SEC24B: variants seen among roughly 807,000 people sequenced by gnomAD.
SEC24B encodes protein transport protein Sec24B.
Under a neutral mutation model 142.8 loss-of-function variants are expected in SEC24B, and 45 were observed. The observed-to-expected ratio is 0.32, with a 90% CI of 0.25 to 0.40. The LOEUF is 0.40. Among genes scored for constraint, SEC24B ranks in the 10% least tolerant of loss-of-function variants. The probability of loss-of-function intolerance (pLI) is 1.00; values close to 1 mark genes in which losing one functional copy is unlikely to be tolerated. For missense variants in SEC24B, 1,409 were observed against 1,526.8 expected (o/e 0.92, Z 1.29); for synonymous variants, 574 against 568.2 (o/e 1.01, Z -0.15).
At chr4:109,507,636 CT>C (rs1394379053) in intron 7 of SEC24B, among the ~76,000 whole-genome samples, 5 of 151,882 alleles carry the variant, frequency 3.3e-5, no homozygotes, top group African/African-American at 9.7e-5. Context: ...TTTCCTCTTT[CT>C]TTTTTTCTTT....
intron 2 of SEC24B, among the ~76,000 whole-genome samples, chr4:109,471,812 AGCTGCAGTGTCCCTC>A (rs1279106087): frequency 2.6e-5 from 4 of 152,122 alleles, no homozygotes; most frequent in Admixed American, 2.6e-4. Flanking sequence ...GAAAGGTGTA[AGCTGCAGTGTCCCTC>A]GAGACTTGAG....
chr4:109,444,757 C>T (rs1025858045), intron 1 of SEC24B, among the ~76,000 whole-genome samples: 11 of 151,776 alleles, frequency 7.2e-5, no homozygotes, highest in Non-Finnish European at 1.3e-4. Flanking sequence ...CTGAGCAGCT[C>T]CATTGAAAAT....
chr4:109,511,564 C>T (rs960486938), intron 8 of SEC24B, among the ~76,000 whole-genome samples: 3 of 152,136 alleles, frequency 2.0e-5, no homozygotes, highest in African/African-American at 4.8e-5. Context: ...CTTCTGGCCT[C>T]AGCTCCTGTC....
At chr4:109,439,516 TTTTGA>T in intron 1 of SEC24B, among the ~76,000 whole-genome samples, 1 of 102,704 alleles carries the variant, frequency 9.7e-6, no homozygotes, top group South Asian at 3.6e-4. Context: ...TTTTTTTTTT[TTTTGA>T]GACTGAGTTT....
At chr4:109,446,069 G>A (rs900081726) in intron 1 of SEC24B, among the ~76,000 whole-genome samples, 6 of 150,768 alleles carry the variant, frequency 4.0e-5, no homozygotes, top group Non-Finnish European at 8.8e-5. Flanking sequence ...TCATAATATA[G>A]TTGTGTGAGA....
chr4:109,487,664 G>T (rs1247716155), intron 4 of SEC24B, among the ~76,000 whole-genome samples: 1 of 152,154 alleles, frequency 6.6e-6, no homozygotes, highest in Non-Finnish European at 1.5e-5. Flanking sequence ...TGATTAATGC[G>T]TTACTTAGAA....
Position 109,520,501 on chromosome 4 carries a change from A to G in SEC24B, c.2245+17A>G, listed in dbSNP as rs1246217688. On this transcript the variant is annotated intron_variant, in intron 12 of 23. Transcript: ENST00000265175. ...ATATAGATGGTAAGCAGTCAGTAAA[A>G]TAAAAGCCTTTCTAACTACGGACTT... 3 of 1,465,734 alleles carry G rather than the reference A, an allele frequency of 2.0e-6. No individual in the cohort carries two copies. Among genetic ancestry groups the G allele is most frequent in the Non-Finnish European group, 1.9e-6 (2 of 1,049,408 alleles). 90.8% of individuals were successfully genotyped at this position (1,465,734 alleles called of 1,614,324 possible).
Position 109,525,405 on chromosome 4 carries a change from C to A in SEC24B, c.2692C>A (p.His898Asn). 6.2e-7 allele frequency: 1 copy of A among 1,611,828 alleles called. No homozygotes were observed. Among genetic ancestry groups the A allele is most frequent in the Non-Finnish European group, 8.5e-7 (1 of 1,178,718 alleles). ...TTATTATCCATCATTCCACTATACT[C>A]ACAATCCTTCACAAGCAGAAAAGTT... ...IYYYPSFHYT[H>N]NPSQAEKLQK... The change falls in exon 16 of 24, where the codon CAC becomes AAC. Residue 898 changes from histidine to asparagine, a missense_variant. By Grantham distance (68) the His-to-Asn change is moderately conservative. Transcript: ENST00000265175.
intron 5 of SEC24B, among the ~76,000 whole-genome samples, chr4:109,492,837 C>T (rs1463067889): frequency 6.6e-6 from 1 of 151,800 alleles, no homozygotes; most frequent in Non-Finnish European, 1.5e-5. Context: ...TTTTCAGCCT[C>T]CCAAGTAGCT....
At chr4:109,498,353 T>A (rs1735740711) in intron 6 of SEC24B, among the ~76,000 whole-genome samples, 2 of 152,212 alleles carry the variant, frequency 1.3e-5, no homozygotes, top group African/African-American at 2.4e-5. Context: ...CAAACTTTTT[T>A]AAAAGAAGCC....
chr4:109,438,148 G>A (rs1728587181), intron 1 of SEC24B, among the ~76,000 whole-genome samples: 1 of 152,172 alleles, frequency 6.6e-6, no homozygotes, highest in Non-Finnish European at 1.5e-5. Flanking sequence ...TGAAAGCTTT[G>A]TGAGGGTGGC....
At chr4:109,532,332 TA>T (rs537284338) in intron 20 of SEC24B, among the ~76,000 whole-genome samples, 21 of 147,916 alleles carry the variant, frequency 1.4e-4, no homozygotes, top group East Asian at 2.0e-4. Context: ...CAAAGAAATG[TA>T]AAAAAAAAAG....
Position 109,512,058 on chromosome 4 carries a change from C to T in SEC24B, c.1878C>T (p.Cys626=). ...TCATTGATCAACGTAGATGGAAATG[C>T]AATTTGTGCTATAGAGTAAACGATG... ...VSFIDQRRWK[C]NLCYRVNDVP... The change falls in exon 9 of 24, where the codon TGC becomes TGT. Residue 626 remains cysteine, a synonymous_variant. Coordinates refer to ENST00000265175, the MANE Select transcript of SEC24B (RefSeq NM_006323.5). 6.2e-7 allele frequency: 1 copy of T among 1,613,020 alleles called. No individual in the cohort carries two copies. The highest frequency in any genetic ancestry group is 1.7e-4 in the Middle Eastern group (1 of 6,018).
chr4:109,477,924 C>T (rs1340046524), intron 3 of SEC24B, among the ~76,000 whole-genome samples: 2 of 151,996 alleles, frequency 1.3e-5, no homozygotes, highest in Non-Finnish European at 2.9e-5. Flanking sequence ...GAATTTTTAT[C>T]TTGAGTTTTA....
intron 1 of SEC24B, among the ~76,000 whole-genome samples, chr4:109,450,362 T>C (rs1015745904): frequency 6.6e-6 from 1 of 152,024 alleles, no homozygotes; most frequent in African/African-American, 2.4e-5. Context: ...CTCTTTCTTC[T>C]CAAAATTTCA....
intron 1 of SEC24B, among the ~76,000 whole-genome samples, chr4:109,452,144 A>G (rs1165803597): frequency 6.6e-6 from 1 of 151,512 alleles, no homozygotes; most frequent in Non-Finnish European, 1.5e-5. Flanking sequence ...TCTGTTCTCT[A>G]TCCTTGTTAT....
intron 7 of SEC24B, among the ~76,000 whole-genome samples, chr4:109,509,593 C>G (rs1005493956): frequency 6.9e-6 from 1 of 145,184 alleles, no homozygotes; most frequent in African/African-American, 2.6e-5. Context: ...AGGAGAATGG[C>G]GTGAACCCAG....
intron 1 of SEC24B, among the ~76,000 whole-genome samples, chr4:109,446,467 T>C (rs1290347816): frequency 2.0e-5 from 3 of 152,234 alleles, no homozygotes; most frequent in African/African-American, 4.8e-5. Context: ...TTTGGACCTC[T>C]GACCTCCAGA....
At chr4:109,537,321 T>G (rs1192360016) in intron 22 of SEC24B, among the ~76,000 whole-genome samples, 2 of 152,240 alleles carry the variant, frequency 1.3e-5, no homozygotes, top group Non-Finnish European at 2.9e-5. Context: ...TTATATAACC[T>G]TTTTAGAGGG....
Sources: gnomAD v4.1 joint callset for allele counts (sites outside exome capture counted in the v4.1 genomes callset) on GRCh38, gnomAD v4.1.1 for gene constraint, MANE v1.5 for transcripts, NCBI Gene and HGNC (gene_info 2026-07-23, HGNC 2026-07-21) for gene names.